The following MMP16 variants were observed in gnomAD, a reference collection of about 807,000 sequenced individuals.
MMP16 encodes the protein matrix metalloproteinase-16.
MMP16 carries 12 observed loss-of-function variants against 67.8 expected under a neutral mutation model. The ratio of observed to expected loss-of-function variants is 0.18; its 90% CI spans 0.11 to 0.29. MMP16 has a LOEUF of 0.29. Ranked by LOEUF, MMP16 falls within the 10% of genes least tolerant of loss-of-function variation. MMP16 has a pLI of 1.00. For synonymous variants in MMP16, 249 were observed against 255.9 expected (o/e 0.97, Z 0.26); for missense variants, 475 against 765.7 (o/e 0.62, Z 4.48).
At chr8:88,278,682 A>T (rs1810686211) in intron 1 of MMP16, among the ~76,000 whole-genome samples, 1 of 152,222 alleles carries the variant, frequency 6.6e-6, no homozygotes, top group African/African-American at 2.4e-5. Flanking sequence ...ACTACTTTCA[A>T]ATGGAATAAT....
At chr8:88,071,967 TA>T (rs569233715) in intron 7 of MMP16, among the ~76,000 whole-genome samples, 23 of 148,206 alleles carry the variant, frequency 1.6e-4, no homozygotes, top group South Asian at 4.3e-4. Context: ...CAGTGTAAAA[TA>T]AAAAAAAAAT....
At chr8:88,188,605 A>T (rs977264712) in intron 2 of MMP16, among the ~76,000 whole-genome samples, 21 of 152,064 alleles carry the variant, frequency 1.4e-4, no homozygotes, top group Non-Finnish European at 2.9e-5. Flanking sequence ...CTTTTGTTGG[A>T]GCCAGTAAAA....
chr8:88,308,223 C>T (rs1586012548), intron 1 of MMP16, among the ~76,000 whole-genome samples: 1 of 152,104 alleles, frequency 6.6e-6, no homozygotes, highest in East Asian at 1.9e-4. Flanking sequence ...TATATCCAAG[C>T]TCCTTGACTT....
intron 4 of MMP16, among the ~76,000 whole-genome samples, chr8:88,127,800 T>C (rs1255971572): frequency 6.6e-6 from 1 of 151,932 alleles, no homozygotes; most frequent in Non-Finnish European, 1.5e-5. Context: ...CAAAAGTTTA[T>C]AAAATGTTTC....
At chr8:88,047,768 A>G (rs1229280586) in intron 8 of MMP16, among the ~76,000 whole-genome samples, 1 of 152,208 alleles carries the variant, frequency 6.6e-6, no homozygotes, top group Non-Finnish European at 1.5e-5. Context: ...GAAATCATAT[A>G]TATTTTGAAC....
At chr8:88,231,163 T>C (rs1809853780) in intron 1 of MMP16, among the ~76,000 whole-genome samples, 1 of 152,184 alleles carries the variant, frequency 6.6e-6, no homozygotes, top group Non-Finnish European at 1.5e-5. Context: ...TGGATTCTTC[T>C]TTGTATCTAT....
At chr8:88,186,193 A>G in intron 3 of MMP16, 1 of 267,136 alleles carries the variant, frequency 3.7e-6, no homozygotes, top group Non-Finnish European at 6.9e-6. Flanking sequence ...TTGTCAAAGC[A>G]TGTAATATGT....
chr8:88,097,423 C>T (rs533341227), intron 6 of MMP16, among the ~76,000 whole-genome samples: 40 of 151,400 alleles, frequency 2.6e-4, no homozygotes, highest in Non-Finnish European at 4.0e-4. Context: ...CCCAGGAGTT[C>T]GGGAGCAGCT....
intron 1 of MMP16, among the ~76,000 whole-genome samples, chr8:88,259,698 G>A (rs188938365): frequency 7.9e-5 from 12 of 152,208 alleles, no homozygotes; most frequent in East Asian, 3.9e-4. Context: ...TGTTAACAAC[G>A]GAACACTGAT....
intron 1 of MMP16, among the ~76,000 whole-genome samples, chr8:88,198,776 G>T (rs1809296222): frequency 6.6e-6 from 1 of 151,852 alleles, no homozygotes; most frequent in African/African-American, 2.4e-5. Context: ...TGTCAGGAAG[G>T]TGTATTAGTG....
At chr8:88,149,332 G>A (rs913050251) in intron 4 of MMP16, among the ~76,000 whole-genome samples, 6 of 152,320 alleles carry the variant, frequency 3.9e-5, no homozygotes, top group African/African-American at 7.2e-5. Flanking sequence ...AAAGCAGCCG[G>A]GAACCTCGAA....
At chr8:88,232,211 A>G (rs977705491) in intron 1 of MMP16, among the ~76,000 whole-genome samples, 1 of 152,170 alleles carries the variant, frequency 6.6e-6, no homozygotes, top group Non-Finnish European at 1.5e-5. Context: ...AGTACCTTTC[A>G]TCTCTGATTT....
rs199674210 is a variant in MMP16 at position 88,261,736 on chromosome 8, TATACAC to T, written c.133-64436_133-64431del. ...ATGTACACATATGCACATACATATC[TATACAC>T]ATATACATATGCATACATATATGTA... On this transcript the variant is annotated intron_variant, in intron 1 of 9. Coordinates refer to ENST00000286614, the MANE Select transcript of MMP16 (RefSeq NM_005941.5). 6.3e-3 allele frequency among the ~76,000 whole-genome samples: 947 copies of T among 150,220 alleles called. 5 individuals are homozygous for T. Among genetic ancestry groups the T allele is most frequent in the African/African-American group, 0.022 (899 of 40,490 alleles).
At chr8:88,288,489 T>C (rs1185837068) in intron 1 of MMP16, among the ~76,000 whole-genome samples, 1 of 152,184 alleles carries the variant, frequency 6.6e-6, no homozygotes, top group Non-Finnish European at 1.5e-5. Context: ...GTTGATTAAG[T>C]ATGCCACTGA....
chr8:88,197,944 C>T (rs2129783291), intron 1 of MMP16, among the ~76,000 whole-genome samples: 1 of 152,212 alleles, frequency 6.6e-6, no homozygotes, highest in Middle Eastern at 3.4e-3. Context: ...ACACAAGTAA[C>T]CAAGTTTTTC....
chr8:88,068,518 T>A (rs1391753123), intron 7 of MMP16, among the ~76,000 whole-genome samples: 1 of 152,128 alleles, frequency 6.6e-6, no homozygotes, highest in Non-Finnish European at 1.5e-5. Context: ...AGGAGTTTTA[T>A]AGATTCAGCC....
chr8:88,078,399 C>T (rs921589234), intron 6 of MMP16, among the ~76,000 whole-genome samples: 10 of 152,160 alleles, frequency 6.6e-5, no homozygotes, highest in South Asian at 2.1e-4. Context: ...CAGTAACATA[C>T]GGGGAAATTC....
intron 1 of MMP16, among the ~76,000 whole-genome samples, chr8:88,321,579 A>G (rs781078962): frequency 7.2e-5 from 11 of 152,166 alleles, no homozygotes; most frequent in East Asian, 1.9e-4. Context: ...ACTACAGATG[A>G]TAACACATGT....
chr8:88,278,073 C>T (rs529027109), intron 1 of MMP16, among the ~76,000 whole-genome samples: 5 of 152,224 alleles, frequency 3.3e-5, no homozygotes, highest in East Asian at 3.9e-4. Flanking sequence ...AATATTTGAA[C>T]GAAAAGACCA....
Sources: allele counts gnomAD v4.1 joint callset (sites outside exome capture counted in the v4.1 genomes callset), GRCh38; gene constraint gnomAD v4.1.1; transcripts MANE v1.5; gene names NCBI Gene and HGNC (gene_info 2026-07-23, HGNC 2026-07-21).